The following CDH13 variants were observed in gnomAD, a reference collection of about 807,000 sequenced individuals.
CDH13 encodes the protein cadherin 13, also known as cadherin-13.
A neutral mutation model predicts 63.8 loss-of-function variants in CDH13; 24 were observed. That is an observed-to-expected ratio of 0.38 (90% CI 0.27 to 0.53). The LOEUF (loss-of-function observed/expected upper bound fraction) is 0.53. Among genes scored for constraint, CDH13 ranks in the 20% least tolerant of loss-of-function variants. The pLI, the probability that CDH13 is intolerant of heterozygous loss-of-function variation, is 0.85. For synonymous variants in CDH13, 503 were observed against 355.3 expected, an observed-to-expected ratio of 1.42 and a Z score of -4.67; for missense variants, 1,049 against 903.1, an observed-to-expected ratio of 1.16 and a Z score of -2.07.
At chr16:83,247,023 A>C (rs964802) in intron 5 of CDH13, among the ~76,000 whole-genome samples, 1 of 152,192 alleles carries the variant, frequency 6.6e-6, no homozygotes, top group Non-Finnish European at 1.5e-5. Context: ...AAAGGATATC[A>C]GATTAGATCT....
At chr16:82,924,748 C>G (rs2042253335) in intron 2 of CDH13, among the ~76,000 whole-genome samples, 1 of 152,110 alleles carries the variant, frequency 6.6e-6, no homozygotes, top group African/African-American at 2.4e-5. Context: ...TCTCAGAATA[C>G]AGAATGATGT....
intron 5 of CDH13, among the ~76,000 whole-genome samples, chr16:83,246,442 C>G (rs1905001553): frequency 6.6e-6 from 1 of 152,154 alleles, no homozygotes; most frequent in Non-Finnish European, 1.5e-5. Flanking sequence ...TTCTGCTTTG[C>G]TGACTTCTGT....
intron 2 of CDH13, among the ~76,000 whole-genome samples, chr16:82,931,835 C>T (rs12447832): frequency 0.39 from 58,477 of 151,868 alleles, 12,605 homozygotes; most frequent in East Asian, 0.75. Flanking sequence ...TTATTTCCCA[C>T]ATGGTCCCAC....
intron 5 of CDH13, among the ~76,000 whole-genome samples, chr16:83,246,860 C>T (rs1235679830): frequency 2.0e-5 from 3 of 152,178 alleles, no homozygotes; most frequent in Non-Finnish European, 1.5e-5. Context: ...CCCTTCTACT[C>T]CAGTCCTTAC....
At chr16:83,388,787 C>G (rs76321065) in intron 6 of CDH13, among the ~76,000 whole-genome samples, 1 of 152,102 alleles carries the variant, frequency 6.6e-6, no homozygotes, top group African/African-American at 2.4e-5. Flanking sequence ...CCAGGATGGC[C>G]ATGGATACAG....
intron 3 of CDH13, among the ~76,000 whole-genome samples, chr16:83,092,997 T>C (rs747558654): frequency 2.0e-5 from 3 of 152,232 alleles, no homozygotes; most frequent in Admixed American, 6.5e-5. Flanking sequence ...TAGTATCTAC[T>C]AATGAAAATG....
At chr16:83,535,957 AAAG>A (rs2075177866) in intron 7 of CDH13, among the ~76,000 whole-genome samples, 1 of 4,914 alleles carries the variant, frequency 2.0e-4, no homozygotes, top group African/African-American at 2.8e-4. Flanking sequence ...GGAAGGAAGA[AAAG>A]AAAAGAAAAG....
intron 3 of CDH13, among the ~76,000 whole-genome samples, chr16:83,062,866 C>T (rs1219855105): frequency 6.6e-6 from 1 of 152,128 alleles, no homozygotes; most frequent in Non-Finnish European, 1.5e-5. Flanking sequence ...CACTCATACA[C>T]CTGGCACCTT....
intron 4 of CDH13, among the ~76,000 whole-genome samples, chr16:83,172,465 T>C (rs1450597281): frequency 6.6e-6 from 1 of 151,832 alleles, no homozygotes; most frequent in Non-Finnish European, 1.5e-5. Flanking sequence ...CACTTCAGCC[T>C]AGGTGACAGA....
intron 2 of CDH13, among the ~76,000 whole-genome samples, chr16:82,881,585 G>A (rs1027123998): frequency 6.6e-6 from 1 of 152,162 alleles, no homozygotes; most frequent in African/African-American, 2.4e-5. Flanking sequence ...ACAGGTGAAG[G>A]CTGTCTGCAG....
intron 2 of CDH13, among the ~76,000 whole-genome samples, chr16:83,023,663 G>A (rs977300247): frequency 1.3e-5 from 2 of 152,138 alleles, no homozygotes; most frequent in East Asian, 1.9e-4. Flanking sequence ...CCTTAAATAT[G>A]TCTTTGAACT....
intron 1 of CDH13, among the ~76,000 whole-genome samples, chr16:82,657,887 C>A (rs529703039): frequency 1.3e-5 from 2 of 152,278 alleles, no homozygotes; most frequent in South Asian, 4.1e-4. Flanking sequence ...TTCTTACTTT[C>A]CAATCACTAT....
intron 2 of CDH13, among the ~76,000 whole-genome samples, chr16:82,909,797 G>A (rs2041770630): frequency 2.0e-5 from 3 of 152,072 alleles, no homozygotes; most frequent in Admixed American, 2.0e-4. Flanking sequence ...ATCTGGGTGG[G>A]GACACAGCCA....
chr16:83,252,808 A>G (rs1905743037), intron 5 of CDH13, among the ~76,000 whole-genome samples: 1 of 152,050 alleles, frequency 6.6e-6, no homozygotes, highest in African/African-American at 2.4e-5. Flanking sequence ...CCACCCCAAT[A>G]AGGAATTTCC....
chr16:82,988,227 C>T (rs1201826570), intron 2 of CDH13, among the ~76,000 whole-genome samples: 1 of 152,128 alleles, frequency 6.6e-6, no homozygotes, highest in Non-Finnish European at 1.5e-5. Context: ...TATGTAAGAG[C>T]ACGCACACAC....
intron 4 of CDH13, among the ~76,000 whole-genome samples, chr16:83,191,052 G>A (rs56359842): frequency 0.035 from 5,325 of 151,380 alleles, 115 homozygotes; most frequent in African/African-American, 0.041. Flanking sequence ...TAGTGATTCC[G>A]AGCAAAGGTC....
At chr16:83,160,318 T>C (rs1160552191) in intron 4 of CDH13, among the ~76,000 whole-genome samples, 1 of 152,036 alleles carries the variant, frequency 6.6e-6, no homozygotes, top group African/African-American at 2.4e-5. Context: ...TAGCTGACTT[T>C]CAATTTTATT....
At chr16:82,684,904 G>A (rs964042856) in intron 1 of CDH13, among the ~76,000 whole-genome samples, 3 of 151,240 alleles carry the variant, frequency 2.0e-5, no homozygotes, top group African/African-American at 4.9e-5. Flanking sequence ...TATTCTTTGA[G>A]GAAATATAAA....
chr16:83,253,751 A>G (rs1444096404), intron 5 of CDH13, among the ~76,000 whole-genome samples: 2 of 152,196 alleles, frequency 1.3e-5, no homozygotes, highest in Non-Finnish European at 2.9e-5. Flanking sequence ...TCTGTTAGCA[A>G]TTATTACCAT....
Sources: gnomAD v4.1 joint callset for allele counts (sites outside exome capture counted in the v4.1 genomes callset) on GRCh38, gnomAD v4.1.1 for gene constraint, MANE v1.5 for transcripts, NCBI Gene and HGNC (gene_info 2026-07-23, HGNC 2026-07-21) for gene names.